Variants in CACNA2D4 observed in about 807,000 individuals in gnomAD.
CACNA2D4 encodes calcium voltage-gated channel auxiliary subunit alpha2delta 4, also known as voltage-dependent calcium channel subunit alpha-2/delta-4.
Under a neutral mutation model 163.8 loss-of-function variants are expected in CACNA2D4, and 157 were observed. The ratio of observed to expected loss-of-function variants is 0.96; its 90% CI spans 0.84 to 1.09. The LOEUF is 1.09. CACNA2D4 is among the 50% of genes least tolerant of loss of function. CACNA2D4 has a pLI of 0.00. For synonymous variants in CACNA2D4, 598 were observed against 586.9 expected, an observed-to-expected ratio of 1.02 and a Z score of -0.27; for missense variants, 1,410 against 1,479.9, an observed-to-expected ratio of 0.95 and a Z score of 0.78.
In CACNA2D4 at chr12:1,882,949, T is replaced by A. The variant is rs1253898102; in HGVS notation, c.1403A>T (p.Glu468Val). 6.2e-7 allele frequency: 1 copy of A among 1,613,428 alleles called. No homozygotes were observed. Among genetic ancestry groups the A allele is most frequent in the East Asian group, 2.2e-5 (1 of 44,858 alleles). ...GGGGCGGCTGAGCACGTGCAGGTAT[T>A]CCATCACGTTCTCCTGGGTGTCCGC... ...TLADTQENVM[E>V]YLHVLSRPMV... Residue 468 changes from glutamate (E) to valine (V), a missense_variant, in exon 13 of 38, where the codon GAA becomes GTA. Physicochemically the swap from Glu to Val is moderately radical, Grantham distance 121. Coordinates refer to ENST00000382722, the MANE Select transcript of CACNA2D4 (RefSeq NM_172364.5).
chr12:1,897,770 T>A (rs1459707521), intron 6 of CACNA2D4, among the ~76,000 whole-genome samples: 2 of 152,084 alleles, frequency 1.3e-5, no homozygotes, highest in African/African-American at 4.8e-5. Flanking sequence ...AAAATACACA[T>A]TAAAATAAAA....
intron 23 of CACNA2D4, among the ~76,000 whole-genome samples, 183 bp from the exon 24 acceptor site, chr12:1,846,872 A>G (rs988321869): frequency 1.3e-5 from 2 of 152,228 alleles, no homozygotes; most frequent in African/African-American, 4.8e-5. Flanking sequence ...CACGGTGCCC[A>G]TCAGGTTTCA....
At chr12:1,882,429 AG>A (rs1026110622) in intron 13 of CACNA2D4, among the ~76,000 whole-genome samples, 6 of 151,084 alleles carry the variant, frequency 4.0e-5, no homozygotes, top group Non-Finnish European at 5.9e-5. Flanking sequence ...CTTTCGTGCA[AG>A]TCATTGCTGC....
At chr12:1,825,996 G>GA (rs1331788226) in intron 26 of CACNA2D4, among the ~76,000 whole-genome samples, 3 of 152,216 alleles carry the variant, frequency 2.0e-5, no homozygotes, top group Admixed American at 6.5e-5. Flanking sequence ...GCTGCTGTTT[G>GA]AAGGCAGGCC....
At position 1,793,463 on chromosome 12, in the gene CACNA2D4, AG is replaced by A; in HGVS notation, c.*191del. ...ACCGGGCACCATGAAGCATCTTGAA[AG>A]TGGTGCCAGGTGATTGGTTTCCTGT... On this transcript the variant is annotated 3_prime_UTR_variant, in exon 38 of 38. Coordinates refer to ENST00000382722, the MANE Select transcript of CACNA2D4 (RefSeq NM_172364.5). 1 of 631,704 alleles carries A rather than the reference AG, an allele frequency of 1.6e-6. No individual in the cohort carries two copies. Among genetic ancestry groups the A allele is most frequent in the Non-Finnish European group, 2.9e-6 (1 of 346,008 alleles). The allele number at this position is 631,704 out of a possible 1,614,324, so 39.1% of individuals were successfully genotyped here.
At chr12:1,854,270 A>C (rs1313211603) in intron 22 of CACNA2D4, among the ~76,000 whole-genome samples, 1 of 152,054 alleles carries the variant, frequency 6.6e-6, no homozygotes, top group Non-Finnish European at 1.5e-5. Context: ...GGCTCTTTCC[A>C]ATTGTAACAT....
At chr12:1,822,571 G>A (rs1199285697) in intron 26 of CACNA2D4, among the ~76,000 whole-genome samples, 1 of 152,224 alleles carries the variant, frequency 6.6e-6, no homozygotes, top group Non-Finnish European at 1.5e-5. Flanking sequence ...AGGCTTCTCT[G>A]TTCTGCTTCC....
Position 1,806,054 on chromosome 12 carries a change from C to G in CACNA2D4, c.2721+4224G>C, listed in dbSNP as rs979444219. ...GGTGTGGAGGGAGCAGGGTGCTGTG[C>G]TCTGAGAGATCCAGGTCCCTCAGGG... On this transcript the variant is annotated intron_variant, in intron 29 of 37. Coordinates refer to ENST00000382722, the MANE Select transcript of CACNA2D4 (RefSeq NM_172364.5). This position sits in a 1 kb window ranked among gnomAD's most constrained non-coding sequence, Gnocchi z 4.1. 6.6e-6 allele frequency among the ~76,000 whole-genome samples: 1 copy of G among 152,202 alleles called. No individual in the cohort carries two copies. Among genetic ancestry groups the G allele is most frequent in the African/African-American group, 2.4e-5 (1 of 41,460 alleles).
At chr12:1,898,082 C>A (rs939187262) in intron 6 of CACNA2D4, among the ~76,000 whole-genome samples, 12 of 152,038 alleles carry the variant, frequency 7.9e-5, no homozygotes, top group African/African-American at 2.9e-4. Flanking sequence ...TCTACATTCC[C>A]ATATTTGTAA....
At chr12:1,879,903 G>A (rs891019159) in intron 13 of CACNA2D4, 22 bp from the exon 14 acceptor site, 12 of 1,568,486 alleles carry the variant, frequency 7.7e-6, no homozygotes, top group Non-Finnish European at 1.0e-5. Flanking sequence ...GGGAGAACAG[G>A]GGTCAGAAGG....
chr12:1,840,644 T>C (rs1022248552), intron 26 of CACNA2D4, 95 bp downstream of exon 26: 5 of 989,264 alleles, frequency 5.1e-6, no homozygotes, highest in African/African-American at 1.6e-5. Flanking sequence ...ACTGTGGCCC[T>C]GGCCACATGT....
chr12:1,824,601 A>G (rs1468446859), intron 26 of CACNA2D4, among the ~76,000 whole-genome samples: 1 of 152,184 alleles, frequency 6.6e-6, no homozygotes, highest in East Asian at 1.9e-4. Flanking sequence ...ACTTGCAGAC[A>G]GGAGATCTCG....
chr12:1,913,827 G>A (rs1866893532), intron 2 of CACNA2D4, among the ~76,000 whole-genome samples: 1 of 152,254 alleles, frequency 6.6e-6, no homozygotes. Flanking sequence ...AGGCAAGCCA[G>A]TCAATCACTT....
intron 29 of CACNA2D4, among the ~76,000 whole-genome samples, chr12:1,807,868 A>C (rs557413485): frequency 6.6e-6 from 1 of 152,290 alleles, no homozygotes; most frequent in South Asian, 2.1e-4. Flanking sequence ...AGCCTCTAGA[A>C]GGTCAGTTCG....
chr12:1,817,793 G>T (rs1238250709), intron 26 of CACNA2D4, among the ~76,000 whole-genome samples: 9 of 152,020 alleles, frequency 5.9e-5, no homozygotes, highest in Non-Finnish European at 1.5e-5. Context: ...GTGCTCAATG[G>T]TGCCCAGGCT....
intron 26 of CACNA2D4, chr12:1,835,044 C>T (rs761076112): frequency 5.8e-5 from 17 of 294,974 alleles, no homozygotes; most frequent in Non-Finnish European, 9.5e-5. Context: ...TCCCCTGTCG[C>T]CCTTCCTGCC....
At chr12:1,904,230 C>T (rs983670112) in intron 6 of CACNA2D4, among the ~76,000 whole-genome samples, 2 of 150,596 alleles carry the variant, frequency 1.3e-5, no homozygotes, top group African/African-American at 2.4e-5. Context: ...GGAAGGGTAG[C>T]GATGGGGTTG....
At position 1,797,765 on chromosome 12, in the gene CACNA2D4, G is replaced by C. The variant is rs919550492; in HGVS notation, c.2996-230C>G. ...ACGGGGAGCGCCGCAGGGGCCCTGA[G>C]CCTCGGTGGAGGGAAAGCGCTTCCT... On this transcript the variant is annotated intron_variant, in intron 34 of 37. Coordinates refer to ENST00000382722, the MANE Select transcript of CACNA2D4 (RefSeq NM_172364.5). 56 of 584,898 alleles carry C rather than the reference G, an allele frequency of 9.6e-5. 1 individual carries two copies. The highest frequency in any genetic ancestry group is 1.6e-4 in the Non-Finnish European group (54 of 328,604). The allele number at this position is 584,898 out of a possible 1,614,324, so 36.2% of individuals were successfully genotyped here. A position where few individuals can be genotyped will look rare whatever the true frequency, so the allele number is the denominator to read the frequency against.
chr12:1,804,640 C>T (rs1363609565), intron 29 of CACNA2D4, among the ~76,000 whole-genome samples: 2 of 152,260 alleles, frequency 1.3e-5, no homozygotes, highest in African/African-American at 2.4e-5. Flanking sequence ...GAAAAGACTA[C>T]ATTTCCCAGT....
Sources: gnomAD v4.1 joint callset for allele counts (sites outside exome capture counted in the v4.1 genomes callset) on GRCh38, gnomAD v4.1.1 for gene constraint, Gnocchi (gnomAD v3.1) non-coding constraint, MANE v1.5 for transcripts, NCBI Gene and HGNC (gene_info 2026-07-23, HGNC 2026-07-21) for gene names.